Variants in KANSL1 observed in about 807,000 individuals in gnomAD.
KANSL1 encodes the protein MLL1/MLL complex subunit KANSL1.
Under a neutral mutation model 103.6 loss-of-function variants are expected in KANSL1, and 22 were observed. The ratio of observed to expected loss-of-function variants is 0.21; its 90% CI spans 0.15 to 0.30. The LOEUF is 0.30. Among genes scored for constraint, KANSL1 ranks in the 10% least tolerant of loss-of-function variants. KANSL1 has a pLI of 1.00. For missense variants in KANSL1, 1,337 were observed against 1,399.8 expected (o/e 0.96, Z 0.72); for synonymous variants, 600 against 527.6 (o/e 1.14, Z -1.88).
chr17:46,067,175 CTT>C (rs1359713090), intron 5 of KANSL1, among the ~76,000 whole-genome samples: 3 of 152,188 alleles, frequency 2.0e-5, no homozygotes, highest in Admixed American at 6.5e-5. Context: ...CTCCCTGAAT[CTT>C]TTGTTTTCTC....
chr17:46,067,638 GT>G lies in KANSL1; in HGVS notation c.1562del (p.Asn521ThrfsTer57). ...TATGACCAATAATAGGGGCACCATGGTTTTCCAATGGCTGAGAAACAGACTC... is the reference window on the plus strand; with the variant it reads ...TATGACCAATAATAGGGGCACCATGGTTTCCAATGGCTGAGAAACAGACTC... ...LIESVSQPLE[N>X]HGAPIIGHIS... On this transcript the variant is annotated frameshift_variant, in exon 5 of 15. Coordinates refer to ENST00000432791, the MANE Select transcript of KANSL1 (RefSeq NM_015443.4). LOFTEE classifies it high-confidence loss of function. 1.3e-6 allele frequency: 2 copies of G among 1,597,928 alleles called. No homozygotes were observed. The highest frequency in any genetic ancestry group is 1.7e-6 in the Non-Finnish European group (2 of 1,165,304).
At chr17:46,118,406 T>C (rs2043136170) in intron 2 of KANSL1, among the ~76,000 whole-genome samples, 1 of 152,236 alleles carries the variant, frequency 6.6e-6, no homozygotes, top group African/African-American at 2.4e-5. Context: ...ATCCCTAATC[T>C]GAAAGCTTGG....
rs1347488375 is a variant in KANSL1, at chr17:46,031,168, T to C, written c.*308A>G. On this transcript the variant is annotated 3_prime_UTR_variant, in exon 15 of 15. Coordinates refer to ENST00000432791, the MANE Select transcript of KANSL1 (RefSeq NM_015443.4). ...ACAGGTGTGAGGGAGGGGGTGGTCA[T>C]CTAAGATCAGTAAGTCCAGTGATTC... is the stretch of plus-strand genomic sequence containing the variant. 2 of 437,826 alleles carry C rather than the reference T, an allele frequency of 4.6e-6. No homozygotes were observed. Among genetic ancestry groups the C allele is most frequent in the East Asian group, 7.7e-5 (2 of 26,028 alleles). 27.1% of individuals were successfully genotyped at this position (437,826 alleles called of 1,614,324 possible). A position where few individuals can be genotyped will look rare whatever the true frequency, so the allele number is the denominator to read the frequency against.
intron 4 of KANSL1, among the ~76,000 whole-genome samples, chr17:46,075,614 G>A (rs946315210): frequency 1.3e-5 from 2 of 152,074 alleles, no homozygotes; most frequent in Non-Finnish European, 2.9e-5. Flanking sequence ...TGGGATTTTA[G>A]GTCACCGTGC....
At chr17:46,110,626 G>GA (rs960595017) in intron 2 of KANSL1, among the ~76,000 whole-genome samples, 2 of 152,154 alleles carry the variant, frequency 1.3e-5, no homozygotes, top group Non-Finnish European at 2.9e-5. Flanking sequence ...AGGAAGGGGG[G>GA]AGATGACCCT....
intron 2 of KANSL1, among the ~76,000 whole-genome samples, chr17:46,125,724 T>C (rs1416112295): frequency 1.3e-5 from 2 of 152,232 alleles, no homozygotes; most frequent in Admixed American, 6.5e-5. Flanking sequence ...CCAACTCTTA[T>C]GTCAGAGTAC....
At chr17:46,091,581 C>T (rs2079390073) in intron 3 of KANSL1, among the ~76,000 whole-genome samples, 1 of 151,984 alleles carries the variant, frequency 6.6e-6, no homozygotes, top group Non-Finnish European at 1.5e-5. Flanking sequence ...TGGTAAGTGC[C>T]CTATACAGGT....
chr17:46,062,453 G>T (rs1448261475), intron 6 of KANSL1, among the ~76,000 whole-genome samples: 2 of 142,616 alleles, frequency 1.4e-5, no homozygotes, highest in African/African-American at 5.1e-5. Flanking sequence ...CTGACTTCTT[G>T]GTTCAAGCGA....
chr17:46,063,975 C>T (rs573392437), intron 6 of KANSL1, among the ~76,000 whole-genome samples: 31 of 142,566 alleles, frequency 2.2e-4, no homozygotes, highest in African/African-American at 7.8e-4. Flanking sequence ...TTTTCCTACA[C>T]TTGACAGTAA....
At chr17:46,138,530 C>T (rs2696602) in intron 2 of KANSL1, among the ~76,000 whole-genome samples, 18,570 of 149,970 alleles carry the variant, frequency 0.12, 24 homozygotes, top group Middle Eastern at 0.19. Context: ...TTGGTATCCA[C>T]GGAAGTTCGT....
chr17:46,131,845 T>G (rs531848943), intron 2 of KANSL1, among the ~76,000 whole-genome samples: 4 of 152,008 alleles, frequency 2.6e-5, no homozygotes, highest in South Asian at 4.1e-4. Flanking sequence ...GTAAAATGAG[T>G]AGGCTAGGCA....
chr17:46,179,183 A>C (rs2046666167), intron 1 of KANSL1, among the ~76,000 whole-genome samples: 1 of 152,248 alleles, frequency 6.6e-6, no homozygotes, highest in Admixed American at 6.5e-5. Context: ...GGGGGGTTCA[A>C]CATCACACCT....
chr17:46,191,323 T>A (rs146129073), intron 1 of KANSL1, among the ~76,000 whole-genome samples: 4 of 152,198 alleles, frequency 2.6e-5, no homozygotes, highest in South Asian at 4.1e-4. Flanking sequence ...GTTAAAAAAA[T>A]AGTTTTAACT....
At chr17:46,178,406 C>T (rs2046630542) in intron 1 of KANSL1, among the ~76,000 whole-genome samples, 1 of 152,202 alleles carries the variant, frequency 6.6e-6, no homozygotes, top group Admixed American at 6.5e-5. Context: ...TTCTAATTTA[C>T]CGGTGGGGAT....
chr17:46,085,382 C>T (rs182550690), intron 3 of KANSL1, among the ~76,000 whole-genome samples: 2 of 152,320 alleles, frequency 1.3e-5, no homozygotes, highest in East Asian at 1.9e-4. Flanking sequence ...ATCCACACTG[C>T]CAGACCTCCT....
chr17:46,171,837 T>C lies in KANSL1; in HGVS notation c.307A>G (p.Ser103Gly). The C allele has an allele frequency of 1.2e-6, 2 of 1,614,240 alleles. No homozygotes were observed. The highest frequency in any genetic ancestry group is 1.7e-6 in the Non-Finnish European group (2 of 1,180,028). Residue 103 changes from serine (S) to glycine (G), a missense_variant, in exon 2 of 15, where the codon AGC becomes GGC. Physicochemically the swap from Ser to Gly is moderately conservative, Grantham distance 56. Around this residue, in one of 2 missense-constraint regions of KANSL1, gnomAD observed 557 missense variants for 476.4 expected, o/e 1.17. Transcript: ENST00000432791. ...TGAGATTTAAGGACTGTCTGCTTGC[T>C]GAAGACCCCTTGCAACTTCAAAGAC... ...KESLKLQGVF[S>G]KQTVLKSHPL...
chr17:46,177,032 T>C (rs1041813876), intron 1 of KANSL1, among the ~76,000 whole-genome samples: 9 of 152,222 alleles, frequency 5.9e-5, no homozygotes, highest in Non-Finnish European at 1.3e-4. Flanking sequence ...ATGCTAAGAT[T>C]CAACATTACT....
intron 1 of KANSL1, among the ~76,000 whole-genome samples, chr17:46,201,607 C>A (rs1247317397): frequency 6.6e-6 from 1 of 152,004 alleles, no homozygotes; most frequent in East Asian, 1.9e-4. Flanking sequence ...TGTGGTAGCT[C>A]ATGCCTGTAA....
intron 10 of KANSL1, among the ~76,000 whole-genome samples, chr17:46,036,924 A>G (rs2146344916): frequency 6.6e-6 from 1 of 152,082 alleles, no homozygotes; most frequent in Non-Finnish European, 1.5e-5. Context: ...ATTGGCCAGG[A>G]TGGTCTCGAA....
Sources: allele counts gnomAD v4.1 joint callset (sites outside exome capture counted in the v4.1 genomes callset), GRCh38; gene constraint gnomAD v4.1.1; regional missense constraint gnomAD v4.1.1; transcripts MANE v1.5; gene names NCBI Gene and HGNC (gene_info 2026-07-23, HGNC 2026-07-21).